Variants in VSNL1 observed in about 807,000 individuals in gnomAD.
VSNL1 encodes the protein visinin like 1, also known as visinin-like protein 1.
In VSNL1, 6 loss-of-function variants were observed where a neutral mutation model predicts 20.4. The ratio of observed to expected loss-of-function variants is 0.29; its 90% CI spans 0.16 to 0.58. The LOEUF (loss-of-function observed/expected upper bound fraction) is 0.58. VSNL1 is among the 20% of genes least tolerant of loss of function. VSNL1 has a pLI of 0.90. For synonymous variants in VSNL1, 93 were observed against 86.4 expected, an observed-to-expected ratio of 1.08 and a Z score of -0.42; for missense variants, 100 against 234.5, an observed-to-expected ratio of 0.43 and a Z score of 3.75.
chr2:17,626,858 G>T (rs1282726690), intron 2 of VSNL1, among the ~76,000 whole-genome samples: 2 of 152,130 alleles, frequency 1.3e-5, no homozygotes, highest in African/African-American at 4.8e-5. Flanking sequence ...CAATGATGAA[G>T]AACTGCGGCT....
chr2:17,544,956 G>C (rs1244942930), intron 1 of VSNL1, among the ~76,000 whole-genome samples: 2 of 152,092 alleles, frequency 1.3e-5, no homozygotes, highest in African/African-American at 2.4e-5. Context: ...ATCCATATAA[G>C]TCACCTAATC....
chr2:17,588,429 G>C (rs1252745851), intron 1 of VSNL1, among the ~76,000 whole-genome samples: 5 of 152,190 alleles, frequency 3.3e-5, no homozygotes, highest in African/African-American at 1.2e-4. Flanking sequence ...GTAAGTTAGA[G>C]ACAGAGCCAG....
chr2:17,541,366 T>G (rs1663281440), intron 1 of VSNL1: 1 of 152,200 alleles, frequency 6.6e-6, no homozygotes, highest in South Asian at 2.1e-4. Flanking sequence ...TAAGTAAAAC[T>G]GAGTGGATGA....
rs76074909 is a variant in VSNL1 at position 17,632,252 on chromosome 2, T to A, written c.163-17158T>A. Among the ~76,000 whole-genome samples, 1,522 of 152,290 alleles carry A rather than the reference T, an allele frequency of 1.0e-2. 41 individuals carry two copies. Among genetic ancestry groups the A allele is most frequent in the African/African-American group, 0.035 (1,447 of 41,556 alleles). ...GTTCAATAAATACACATTGAATCAA[T>A]GAACTCCTAGAACAATGGTCATTGT... On this transcript the variant is annotated intron_variant, in intron 2 of 3. Transcript: ENST00000295156.
intron 2 of VSNL1, among the ~76,000 whole-genome samples, chr2:17,612,468 AGACATT>A (rs1334314025): frequency 6.6e-6 from 1 of 152,202 alleles, no homozygotes; most frequent in African/African-American, 2.4e-5. Context: ...AAATACACAT[AGACATT>A]CAGTTCCATC....
intron 1 of VSNL1, among the ~76,000 whole-genome samples, chr2:17,581,849 G>A (rs184762906): frequency 6.6e-6 from 1 of 152,214 alleles, no homozygotes; most frequent in Admixed American, 6.5e-5. Flanking sequence ...ACATTTCCTG[G>A]GTATCTGTTC....
chr2:17,582,215 G>T (rs1664365640), intron 1 of VSNL1, among the ~76,000 whole-genome samples: 1 of 152,110 alleles, frequency 6.6e-6, no homozygotes, highest in African/African-American at 2.4e-5. Context: ...CTAAAGAGGT[G>T]CCAGGAGGGG....
chr2:17,647,607 G>A (rs1666025987), intron 2 of VSNL1, among the ~76,000 whole-genome samples: 1 of 152,222 alleles, frequency 6.6e-6, no homozygotes, highest in South Asian at 2.1e-4. Context: ...CACCTAAGTA[G>A]CATTGGGGGG....
intron 1 of VSNL1, among the ~76,000 whole-genome samples, chr2:17,580,506 C>T (rs1664326404): frequency 6.6e-6 from 1 of 152,218 alleles, no homozygotes; most frequent in Admixed American, 6.5e-5. Flanking sequence ...GGGACCACAC[C>T]TTTCCCTAAA....
intron 1 of VSNL1, among the ~76,000 whole-genome samples, chr2:17,581,935 G>A (rs980348450): frequency 6.6e-6 from 1 of 152,158 alleles, no homozygotes; most frequent in South Asian, 2.1e-4. Context: ...CTGTGAGATG[G>A]GAGACATGGA....
At chr2:17,562,415 A>AC (rs1282539781) in intron 1 of VSNL1, among the ~76,000 whole-genome samples, 1 of 152,212 alleles carries the variant, frequency 6.6e-6, no homozygotes, top group Non-Finnish European at 1.5e-5. Flanking sequence ...TTCAAGATGA[A>AC]CATTTTGTTT....
chr2:17,546,748 T>C (rs538167397), intron 1 of VSNL1, among the ~76,000 whole-genome samples: 1 of 152,146 alleles, frequency 6.6e-6, no homozygotes, highest in African/African-American at 2.4e-5. Flanking sequence ...ATGTATCAAG[T>C]AGTGCTGCAC....
intron 2 of VSNL1, among the ~76,000 whole-genome samples, chr2:17,619,804 C>T (rs1665311615): frequency 6.6e-6 from 1 of 151,624 alleles, no homozygotes; most frequent in Non-Finnish European, 1.5e-5. Flanking sequence ...TGGGCATATA[C>T]TATGATCAGG....
intron 2 of VSNL1, among the ~76,000 whole-genome samples, chr2:17,594,334 A>C (rs1370207025): frequency 6.6e-6 from 1 of 152,172 alleles, no homozygotes; most frequent in East Asian, 1.9e-4. Context: ...TCTTATATCA[A>C]ATAGAAAGCA....
chr2:17,586,618 T>G (rs1346944708), intron 1 of VSNL1, among the ~76,000 whole-genome samples: 2 of 152,188 alleles, frequency 1.3e-5, no homozygotes, highest in Non-Finnish European at 2.9e-5. Flanking sequence ...TGCTTTCTGT[T>G]TATATCCCAC....
At chr2:17,641,281 G>A (rs1350558988) in intron 2 of VSNL1, among the ~76,000 whole-genome samples, 2 of 152,216 alleles carry the variant, frequency 1.3e-5, no homozygotes, top group African/African-American at 4.8e-5. Flanking sequence ...AAGACAGTAC[G>A]AAGGGAGTGG....
At chr2:17,588,762 A>G (rs1029576331) in intron 1 of VSNL1, among the ~76,000 whole-genome samples, 2 of 152,206 alleles carry the variant, frequency 1.3e-5, no homozygotes, top group African/African-American at 2.4e-5. Context: ...ATGCAGTTAA[A>G]TGAAATATTT....
intron 2 of VSNL1, among the ~76,000 whole-genome samples, chr2:17,592,592 T>C (rs1664614488): frequency 6.8e-6 from 1 of 147,174 alleles, no homozygotes; most frequent in Non-Finnish European, 1.5e-5. Flanking sequence ...TATGTACTTC[T>C]CCCAGTTAAA....
chr2:17,586,246 T>C (rs1187989881), intron 1 of VSNL1, among the ~76,000 whole-genome samples: 1 of 152,230 alleles, frequency 6.6e-6, no homozygotes, highest in Non-Finnish European at 1.5e-5. Flanking sequence ...TTAGATCATG[T>C]ACTTCGATTT....
Sources: allele counts gnomAD v4.1 joint callset (sites outside exome capture counted in the v4.1 genomes callset), GRCh38; gene constraint gnomAD v4.1.1; transcripts MANE v1.5; gene names NCBI Gene and HGNC (gene_info 2026-07-23, HGNC 2026-07-21).